Variants in TEX261 observed in about 807,000 individuals in gnomAD.
The protein encoded by TEX261 is testis expressed 261.
A neutral mutation model predicts 25.1 loss-of-function variants in TEX261; 13 were observed. That is an observed-to-expected ratio of 0.52 (90% CI 0.34 to 0.82). The LOEUF (loss-of-function observed/expected upper bound fraction) is 0.82. TEX261 is among the 40% of genes least tolerant of loss of function. The pLI is 0.02. For synonymous variants in TEX261, 92 were observed against 97.8 expected (o/e 0.94, Z 0.35); for missense variants, 206 against 243.2 (o/e 0.85, Z 1.02).
At chr2:70,994,653 G>A in intron 1 of TEX261, 35 bp downstream of exon 1, 4 of 1,570,682 alleles carry the variant, frequency 2.5e-6, no homozygotes, top group Non-Finnish European at 2.6e-6. Flanking sequence ...ATGCCGGGGC[G>A]GGAGCCCGCG....
chr2:70,991,059 T>C (rs1670289969), intron 3 of TEX261, among the ~76,000 whole-genome samples: 1 of 152,212 alleles, frequency 6.6e-6, no homozygotes, highest in African/African-American at 2.4e-5. Context: ...GACTGAAAGC[T>C]AGGGTAGCCA....
Position 70,987,987 on chromosome 2 carries a change from A to C in TEX261, c.*613T>G, listed in dbSNP as rs1670221964. 6.5e-6 allele frequency: 1 copy of C among 153,658 alleles called. No homozygotes were observed. 9.5% of individuals were successfully genotyped at this position (153,658 alleles called of 1,614,324 possible). A position where few individuals can be genotyped will look rare whatever the true frequency, so the allele number is the denominator to read the frequency against. The stretch of plus-strand genomic sequence containing the variant: ...CCCCCTTCCCATTAAGGGCCACAAG[A>C]ACAGTCCCTTGGGAAGGGCAAGACC... On this transcript the variant is annotated 3_prime_UTR_variant, in exon 6 of 6. Coordinates refer to ENST00000272438, the MANE Select transcript of TEX261 (RefSeq NM_144582.3).
In TEX261 at chr2:70,987,664, C is replaced by CTCCCATTAG. The variant is rs1400589351; in HGVS notation, c.*927_*935dup. On this transcript the variant is annotated 3_prime_UTR_variant, in exon 6 of 6. Coordinates refer to ENST00000272438, the MANE Select transcript of TEX261 (RefSeq NM_144582.3). ...ATGCTCTTAGAGTGACAAACAGCTT[C>CTCCCATTAG]TCCCATTAGTCCCATTTCTTTAAAA... is the stretch of plus-strand genomic sequence containing the variant. The CTCCCATTAG allele has an allele frequency of 6.6e-6, 1 of 152,492 alleles. No individual in the cohort carries two copies. Among genetic ancestry groups the CTCCCATTAG allele is most frequent in the African/African-American group, 2.4e-5 (1 of 41,464 alleles). The allele number at this position is 152,492 out of a possible 1,614,324, so 9.4% of individuals were successfully genotyped here.
chr2:70,993,205 G>A (rs1343093078), intron 2 of TEX261, among the ~76,000 whole-genome samples: 1 of 152,248 alleles, frequency 6.6e-6, no homozygotes, highest in Admixed American at 6.5e-5. Context: ...TCAGTGGCAA[G>A]GACTGTGTCT....
chr2:70,994,838 G>T lies in TEX261; in HGVS notation c.-81C>A. ...CCGGCGACACACAGCCGCCACCGCCGCCGCCGCCGCCGCGTCCCCGCCCCG... is the reference window on the plus strand; with the variant it reads ...CCGGCGACACACAGCCGCCACCGCCTCCGCCGCCGCCGCGTCCCCGCCCCG... On this transcript the variant is annotated 5_prime_UTR_variant, in exon 1 of 6. Transcript: ENST00000272438. 1 of 1,238,458 alleles carries T rather than the reference G, an allele frequency of 8.1e-7. No homozygotes were observed. Among genetic ancestry groups the T allele is most frequent in the Non-Finnish European group, 1.0e-6 (1 of 990,880 alleles). The allele number at this position is 1,238,458 out of a possible 1,614,324, so 76.7% of individuals were successfully genotyped here. A position where few individuals can be genotyped will look rare whatever the true frequency, so the allele number is the denominator to read the frequency against.
chr2:70,990,677 C>G (rs182813577), intron 3 of TEX261, among the ~76,000 whole-genome samples: 49 of 152,314 alleles, frequency 3.2e-4, no homozygotes, highest in African/African-American at 1.1e-3. Flanking sequence ...GCAAAGACTA[C>G]AGTTCTGCTA....
At chr2:70,994,526 C>T in intron 1 of TEX261, 162 bp downstream of exon 1, 1 of 1,044,994 alleles carries the variant, frequency 9.6e-7, no homozygotes, top group South Asian at 1.6e-5. Flanking sequence ...CTGCCAGGCT[C>T]GACAGGAGGG....
chr2:70,989,794 G>T lies in TEX261; in HGVS notation c.327C>A (p.Tyr109Ter). The change falls in exon 4 of 6, where the codon TAC (tyrosine) becomes TAA (stop). Residue 109 changes from tyrosine to a stop codon, truncating the protein, a stop_gained. Transcript: ENST00000272438. LOFTEE classifies it high-confidence loss of function. Reference protein sequence around the residue: ...LSCGLVVVNHYLAFQFFAEEY... With the variant: ...LSCGLVVVNH Reference sequence around the variant, plus strand: ...CTTCTGCAAAAAACTGAAATGCTAGGTAATGATTCACCACCACTAGTCCTG... The same window carrying T: ...CTTCTGCAAAAAACTGAAATGCTAGTTAATGATTCACCACCACTAGTCCTG... 6.2e-7 allele frequency: 1 copy of T among 1,613,034 alleles called. No individual in the cohort carries two copies. The highest frequency in any genetic ancestry group is 8.5e-7 in the Non-Finnish European group (1 of 1,179,024).
rs1670371578 is a variant in TEX261 at position 70,994,580 on chromosome 2, C to G, written c.70+108G>C. On this transcript the variant is annotated intron_variant, in intron 1 of 5. Coordinates refer to ENST00000272438, the MANE Select transcript of TEX261 (RefSeq NM_144582.3). Reference sequence around the variant, plus strand: ...GGGTTGGGGCGGCGAAGGCCGGGAGCGCCGGGCAGTGGTCCCCCGAGTGGC... The same window carrying G: ...GGGTTGGGGCGGCGAAGGCCGGGAGGGCCGGGCAGTGGTCCCCCGAGTGGC... 3.4e-6 allele frequency: 5 copies of G among 1,470,688 alleles called. No individual in the cohort carries two copies. The South Asian group carries it at 3.7e-5, about 11-fold the overall frequency. The allele number at this position is 1,470,688 out of a possible 1,614,324, so 91.1% of individuals were successfully genotyped here.
At chr2:70,993,420 C>T (rs189128489) in intron 2 of TEX261, among the ~76,000 whole-genome samples, 15 of 152,338 alleles carry the variant, frequency 9.8e-5, no homozygotes, top group African/African-American at 3.1e-4. Context: ...GTCAAATCTA[C>T]GGTCTTGTCA....
Position 70,988,708 on chromosome 2 carries a change from G to A in TEX261, c.483C>T (p.Val161=), listed in dbSNP as rs782334318. 24 of 1,613,174 alleles carry A rather than the reference G, an allele frequency of 1.5e-5. No individual in the cohort carries two copies. The highest frequency in any genetic ancestry group is 1.6e-4 in the Middle Eastern group (1 of 6,084). ...LPSTMQPGDD[V]VSNYFTKGKR... The stretch of plus-strand genomic sequence containing the variant: ...TGCCTTTGGTGAAATAATTGGAGAC[G>A]ACATCATCTGTGGAGATACAGGCAA... The change falls in exon 6 of 6, where the codon GTC becomes GTT. Residue 161 remains valine, a synonymous_variant. Transcript: ENST00000272438.
intron 1 of TEX261, among the ~76,000 whole-genome samples, 159 bp from the exon 2 acceptor site, chr2:70,993,934 T>C (rs1164027668): frequency 1.3e-5 from 2 of 152,100 alleles, no homozygotes; most frequent in Non-Finnish European, 2.9e-5. Flanking sequence ...TCTGGAGAAG[T>C]AAAACTTTCT....
At chr2:70,993,640 G>C in intron 2 of TEX261, 56 bp downstream of exon 2, 1 of 1,434,212 alleles carries the variant, frequency 7.0e-7, no homozygotes, top group South Asian at 1.1e-5. Context: ...CCCACTTCCT[G>C]CTTTTGAGGC....
In TEX261 at chr2:70,988,469, G is replaced by T; in HGVS notation, c.*131C>A. 1.5e-6 allele frequency: 1 copy of T among 687,328 alleles called. No individual in the cohort carries two copies. Among genetic ancestry groups the T allele is most frequent in the Non-Finnish European group, 2.6e-6 (1 of 387,078 alleles). 42.6% of individuals were successfully genotyped at this position (687,328 alleles called of 1,614,324 possible). ...GCCCCCCAAGGAGGGTGGGGATGGG[G>T]CTCCAGAGTTGAGGGGAAGAAAGCC... On this transcript the variant is annotated 3_prime_UTR_variant, in exon 6 of 6. Coordinates refer to ENST00000272438, the MANE Select transcript of TEX261 (RefSeq NM_144582.3).
intron 5 of TEX261, 60 bp downstream of exon 5, chr2:70,988,855 C>T (rs1670246200): frequency 6.3e-7 from 1 of 1,587,980 alleles, no homozygotes; most frequent in Non-Finnish European, 8.6e-7. Flanking sequence ...CAGTGGACCC[C>T]TGCCAACCCA....
intron 2 of TEX261, among the ~76,000 whole-genome samples, chr2:70,992,729 CAA>C (rs556141517): frequency 7.5e-5 from 9 of 119,714 alleles, no homozygotes; most frequent in African/African-American, 9.0e-5. Context: ...AACTCCATCT[CAA>C]AAAAAAAAAA....
Position 70,989,792 on chromosome 2 carries a change from A to G in TEX261, c.329T>C (p.Leu110Pro). The G allele has an allele frequency of 6.2e-7, 1 of 1,613,280 alleles. No homozygotes were observed. ...TTCTTCTGCAAAAAACTGAAATGCTAGGTAATGATTCACCACCACTAGTCC... is the reference window on the plus strand; with the variant it reads ...TTCTTCTGCAAAAAACTGAAATGCTGGGTAATGATTCACCACCACTAGTCC... ...SCGLVVVNHY[L>P]AFQFFAEEYY... is the part of the protein sequence containing the mutation. Residue 110 changes from leucine (L) to proline (P), a missense_variant, in exon 4 of 6, where the codon CTA becomes CCA. By Grantham distance (98) the Leu-to-Pro change is moderately conservative. Coordinates refer to ENST00000272438, the MANE Select transcript of TEX261 (RefSeq NM_144582.3).
intron 3 of TEX261, among the ~76,000 whole-genome samples, chr2:70,990,997 C>T (rs1670289283): frequency 6.6e-6 from 1 of 152,186 alleles, no homozygotes; most frequent in African/African-American, 2.4e-5. Context: ...CAGGCTCTCT[C>T]ATAGAAATAG....
At position 70,988,731 on chromosome 2, in the gene TEX261, C is replaced by T; in HGVS notation, c.476-16G>A. The T allele has an allele frequency of 1.2e-6, 2 of 1,601,388 alleles. No individual in the cohort carries two copies. Among genetic ancestry groups the T allele is most frequent in the Non-Finnish European group, 1.7e-6 (2 of 1,168,516 alleles). On this transcript the variant is annotated splice_polypyrimidine_tract_variant and intron_variant, in intron 5 of 5. Transcript: ENST00000272438. ...ACGACATCATCTGTGGAGATACAGG[C>T]AAGAATATGAGAGAGAGAGAGAGTG... is the stretch of plus-strand genomic sequence containing the variant.
Sources: allele counts gnomAD v4.1 joint callset (sites outside exome capture counted in the v4.1 genomes callset), GRCh38; gene constraint gnomAD v4.1.1; transcripts MANE v1.5; gene names NCBI Gene and HGNC (gene_info 2026-07-23, HGNC 2026-07-21).